Variants in AP3S1 observed in about 807,000 individuals in gnomAD.
AP3S1 encodes the protein adaptor related protein complex 3 subunit sigma 1.
AP3S1 carries 12 observed loss-of-function variants against 21.3 expected under a neutral mutation model. The ratio of observed to expected loss-of-function variants is 0.56; its 90% CI spans 0.36 to 0.91. AP3S1 has a LOEUF of 0.91. Ranked by LOEUF, AP3S1 falls within the 40% of genes least tolerant of loss-of-function variation. The probability of loss-of-function intolerance (pLI) is 0.01; values close to 1 mark genes in which losing one functional copy is unlikely to be tolerated. For synonymous variants in AP3S1, 48 were observed against 78.4 expected, an observed-to-expected ratio of 0.61 and a Z score of 2.05; for missense variants, 116 against 225.0, an observed-to-expected ratio of 0.52 and a Z score of 3.10.
intron 4 of AP3S1, among the ~76,000 whole-genome samples, chr5:115,900,702 T>C (rs367981430): frequency 6.6e-6 from 1 of 152,196 alleles, no homozygotes; most frequent in Non-Finnish European, 1.5e-5. Flanking sequence ...CTTCCTTCAG[T>C]AGAGAATGAT....
At chr5:115,877,990 A>C (rs1227117359) in intron 3 of AP3S1, among the ~76,000 whole-genome samples, 1 of 152,156 alleles carries the variant, frequency 6.6e-6, no homozygotes, top group Non-Finnish European at 1.5e-5. Flanking sequence ...TGACTGCATA[A>C]ATGTCTTCTT....
chr5:115,894,991 C>T lies in AP3S1; in HGVS notation c.274-96C>T, dbSNP rs187336687. On this transcript the variant is annotated intron_variant, in intron 3 of 5. Transcript: ENST00000316788. ...GTTTGAAAAAGATAAATGTATAATA[C>T]AAAATTTTAGTTCATAATTAAGAAT... 3,237 of 769,722 alleles carry T rather than the reference C, an allele frequency of 4.2e-3. 26 individuals are homozygous for T. The highest frequency in any genetic ancestry group is 9.0e-3 in the Admixed American group (275 of 30,558). The allele number at this position is 769,722 out of a possible 1,614,324, so 47.7% of individuals were successfully genotyped here. A position where few individuals can be genotyped will look rare whatever the true frequency, so the allele number is the denominator to read the frequency against.
chr5:115,862,334 A>T (rs76302350), intron 1 of AP3S1, among the ~76,000 whole-genome samples: 3,972 of 152,264 alleles, frequency 0.026, 185 homozygotes, highest in African/African-American at 0.091. Context: ...AAAAAAAATT[A>T]AAAACTTTGG....
intron 1 of AP3S1, among the ~76,000 whole-genome samples, chr5:115,850,567 CTA>C (rs1762371987): frequency 6.6e-6 from 1 of 152,142 alleles, no homozygotes; most frequent in East Asian, 1.9e-4. Flanking sequence ...CTTTGTGTCT[CTA>C]TGAATTTGAC....
chr5:115,901,574 A>G (rs1460209882), intron 4 of AP3S1, among the ~76,000 whole-genome samples: 1 of 148,368 alleles, frequency 6.7e-6, no homozygotes. Context: ...TTTTTAATTG[A>G]GGCAGGGTCT....
chr5:115,893,603 A>C (rs982566378), intron 3 of AP3S1, among the ~76,000 whole-genome samples: 1 of 152,152 alleles, frequency 6.6e-6, no homozygotes, highest in Admixed American at 6.5e-5. Flanking sequence ...CCACTTAGCC[A>C]TCTAACATTG....
At chr5:115,884,297 G>A (rs1749570390) in intron 3 of AP3S1, among the ~76,000 whole-genome samples, 1 of 152,082 alleles carries the variant, frequency 6.6e-6, no homozygotes, top group Admixed American at 6.6e-5. Flanking sequence ...TATTCTAATA[G>A]TGTAGGCAAA....
At chr5:115,869,001 A>G (rs1747981260) in intron 2 of AP3S1, among the ~76,000 whole-genome samples, 1 of 140,160 alleles carries the variant, frequency 7.1e-6, no homozygotes, top group East Asian at 2.1e-4. Flanking sequence ...CCATTTTCCC[A>G]TATTCTGTTG....
intron 1 of AP3S1, among the ~76,000 whole-genome samples, chr5:115,854,304 G>A (rs530727973): frequency 1.6e-4 from 24 of 152,230 alleles, no homozygotes; most frequent in African/African-American, 5.3e-4. Flanking sequence ...GGTTTAGGGC[G>A]TTAATTATAC....
chr5:115,855,396 G>A (rs1255135578), intron 1 of AP3S1, among the ~76,000 whole-genome samples: 1 of 151,844 alleles, frequency 6.6e-6, no homozygotes, highest in Non-Finnish European at 1.5e-5. Context: ...CTGGAGTCCG[G>A]TGGTATATCA....
intron 5 of AP3S1, among the ~76,000 whole-genome samples, chr5:115,906,219 A>G (rs1038118874): frequency 1.3e-5 from 2 of 152,234 alleles, no homozygotes; most frequent in Admixed American, 1.3e-4. Context: ...GATGAAAAGA[A>G]CTGGTTATCA....
intron 1 of AP3S1, among the ~76,000 whole-genome samples, chr5:115,861,109 A>C (rs931921248): frequency 2.6e-5 from 4 of 152,214 alleles, no homozygotes; most frequent in Non-Finnish European, 5.9e-5. Flanking sequence ...TTATAAGTGT[A>C]TGATAGGAAT....
intron 1 of AP3S1, among the ~76,000 whole-genome samples, chr5:115,864,770 A>G (rs929294228): frequency 1.3e-5 from 2 of 152,256 alleles, no homozygotes; most frequent in African/African-American, 4.8e-5. Context: ...GCATAGCACA[A>G]CAGAGTAATT....
intron 1 of AP3S1, among the ~76,000 whole-genome samples, chr5:115,863,873 G>A (rs1046807490): frequency 1.3e-5 from 2 of 152,356 alleles, no homozygotes; most frequent in Admixed American, 1.3e-4. Context: ...ATGTCAAGAT[G>A]ACAGGAGAAG....
intron 1 of AP3S1, chr5:115,852,877 A>G: frequency 6.1e-6 from 2 of 329,326 alleles, no homozygotes; most frequent in South Asian, 5.2e-5. Flanking sequence ...TTATCAATTG[A>G]TGGACATCTG....
chr5:115,856,442 T>TTTTTC (rs1183846639), intron 1 of AP3S1, among the ~76,000 whole-genome samples: 1 of 152,014 alleles, frequency 6.6e-6, no homozygotes, highest in East Asian at 1.9e-4. Flanking sequence ...CTTTTTTTTT[T>TTTTTC]TTTTTCTAGA....
chr5:115,863,131 G>A (rs1261572049), intron 1 of AP3S1, among the ~76,000 whole-genome samples: 1 of 152,102 alleles, frequency 6.6e-6, no homozygotes, highest in East Asian at 1.9e-4. Context: ...TGGGCGTGGT[G>A]GCTCCCATCT....
At chr5:115,873,046 A>C (rs1354207001) in intron 3 of AP3S1, among the ~76,000 whole-genome samples, 2 of 152,206 alleles carry the variant, frequency 1.3e-5, no homozygotes, top group African/African-American at 4.8e-5. Flanking sequence ...CTCTTATTGA[A>C]GAGAAATGTT....
At chr5:115,900,310 A>G (rs929655752) in intron 4 of AP3S1, among the ~76,000 whole-genome samples, 2 of 152,146 alleles carry the variant, frequency 1.3e-5, no homozygotes, top group African/African-American at 2.4e-5. Context: ...AATATATTTG[A>G]TTTGTTTTAA....
Sources: allele counts gnomAD v4.1 joint callset (sites outside exome capture counted in the v4.1 genomes callset), GRCh38; gene constraint gnomAD v4.1.1; transcripts MANE v1.5; gene names NCBI Gene and HGNC (gene_info 2026-07-23, HGNC 2026-07-21).